ECE2: variants seen among roughly 807,000 people sequenced by gnomAD.
ECE2 encodes the protein endothelin converting enzyme 2, also known as endothelin-converting enzyme 2.
A neutral mutation model predicts 100.6 loss-of-function variants in ECE2; 81 were observed. The observed-to-expected ratio is 0.81, with a 90% CI of 0.67 to 0.97. The LOEUF is 0.97. ECE2 is among the 50% of genes least tolerant of loss of function. ECE2 has a pLI of 0.00. For missense variants in ECE2, 911 were observed against 988.1 expected (o/e 0.92, Z 1.05); for synonymous variants, 391 against 391.5 (o/e 1.00, Z 0.02).
chr3:184,292,330 TG>T lies in ECE2; in HGVS notation c.*93del. On this transcript the variant is annotated 3_prime_UTR_variant, in exon 19 of 19. Coordinates refer to ENST00000404464, the MANE Select transcript of ECE2 (RefSeq NM_001100121.2). ...TGCTCTTGGGTTGGGAGGAAGCAAATGCAAGCTGGGCTGGGTCTAGTCCCTC... is the reference window on the plus strand; with the variant it reads ...TGCTCTTGGGTTGGGAGGAAGCAAATCAAGCTGGGCTGGGTCTAGTCCCTC... The T allele has an allele frequency of 6.7e-7, 1 of 1,496,750 alleles. No individual in the cohort carries two copies. The highest frequency in any genetic ancestry group is 9.1e-7 in the Non-Finnish European group (1 of 1,094,482). The allele number at this position is 1,496,750 out of a possible 1,614,324, so 92.7% of individuals were successfully genotyped here.
chr3:184,291,048 T>A lies in ECE2; in HGVS notation c.1843T>A (p.Tyr615Asn), dbSNP rs1417938188. ...AGGTGAGTTCTCCTCAGGGCGCGAGTATGACAAAGAAGGGAACCTGCGGCC... is the reference window on the plus strand; with the variant it reads ...AGGTGAGTTCTCCTCAGGGCGCGAGAATGACAAAGAAGGGAACCTGCGGCC... ...THAFDDQGRE[Y>N]DKEGNLRPWW... The change falls in exon 17 of 19, where the codon TAT (tyrosine) becomes AAT (asparagine). Residue 615 changes from tyrosine (Y) to asparagine (N), a missense_variant. Physicochemically the swap from Tyr to Asn is moderately radical, Grantham distance 143. Coordinates refer to ENST00000404464, the MANE Select transcript of ECE2 (RefSeq NM_001100121.2). This position sits in a 1 kb window ranked among gnomAD's most constrained non-coding sequence, Gnocchi z 4.1. 6.4e-7 allele frequency: 1 copy of A among 1,567,578 alleles called. No homozygotes were observed. Among genetic ancestry groups the A allele is most frequent in the Non-Finnish European group, 8.7e-7 (1 of 1,155,410 alleles).
chr3:184,291,069 CG>C lies in ECE2; in HGVS notation c.1866del (p.Trp624GlyfsTer47), dbSNP rs1560188879. On this transcript the variant is annotated frameshift_variant, in exon 17 of 19. Transcript: ENST00000404464. LOFTEE classifies it high-confidence loss of function. The surrounding 1 kb of genome is among the most constrained non-coding windows in gnomAD (Gnocchi z 4.1). ...GREYDKEGNL[R>X]PWWQNESLAA... Reference sequence around the variant, plus strand: ...CGAGTATGACAAAGAAGGGAACCTGCGGCCCTGGTGGCAGAATGAGTCCCTG... The same window carrying C: ...CGAGTATGACAAAGAAGGGAACCTGCGCCCTGGTGGCAGAATGAGTCCCTG... 1 of 1,580,286 alleles carries C rather than the reference CG, an allele frequency of 6.3e-7. No individual in the cohort carries two copies. Among genetic ancestry groups the C allele is most frequent in the South Asian group, 1.2e-5 (1 of 86,746 alleles).
At chr3:184,280,785 C>A (rs843375) in intron 7 of ECE2, among the ~76,000 whole-genome samples, 12,327 of 151,752 alleles carry the variant, frequency 0.081, 600 homozygotes, top group East Asian at 0.2. Flanking sequence ...TTGAAACCAG[C>A]CTGACTAACA....
In ECE2 at chr3:184,276,891, G is replaced by A. The variant is rs775016893; in HGVS notation, c.127-1G>A. The A allele has an allele frequency of 6.2e-7, 1 of 1,614,044 alleles. No homozygotes were observed. Among genetic ancestry groups the A allele is most frequent in the Admixed American group, 1.7e-5 (1 of 60,024 alleles). ...ACTCTCTGTCCCCCTGTGTTCCCCA[G>A]GTGGGATTCCAGAAGGGGACAAGAC... is the stretch of plus-strand genomic sequence containing the variant. On this transcript the variant is annotated splice_acceptor_variant, in intron 2 of 18. Transcript: ENST00000404464. LOFTEE classifies it high-confidence loss of function.
intron 14 of ECE2, 67 bp downstream of exon 14, chr3:184,290,425 G>A: frequency 6.4e-7 from 1 of 1,572,254 alleles, no homozygotes. Flanking sequence ...TTCCTGGGAT[G>A]GGGGAAAAGG....
At position 184,291,493 on chromosome 3, in the gene ECE2, A is replaced by G; in HGVS notation, c.2121+54A>G. On this transcript the variant is annotated intron_variant, in intron 18 of 18. Coordinates refer to ENST00000404464, the MANE Select transcript of ECE2 (RefSeq NM_001100121.2). The surrounding 1 kb of genome is among the most constrained non-coding windows in gnomAD (Gnocchi z 4.1). ...TGCCCCTTTGTCCTGCTCCCTCCTG[A>G]GTATGTCATTAGGAGAACTCTGGGG... 3 of 1,467,246 alleles carry G rather than the reference A, an allele frequency of 2.0e-6. No homozygotes were observed. The highest frequency in any genetic ancestry group is 1.8e-6 in the Non-Finnish European group (2 of 1,093,864). The allele number at this position is 1,467,246 out of a possible 1,614,324, so 90.9% of individuals were successfully genotyped here.
intron 9 of ECE2, 106 bp from the exon 10 acceptor site, chr3:184,285,372 A>G: frequency 3.1e-6 from 3 of 981,218 alleles, no homozygotes; most frequent in South Asian, 2.9e-5. Flanking sequence ...CAGCTTCCAC[A>G]TATGCCTCTC....
rs137961272 is a variant in ECE2, at chr3:184,284,124, G to A, written c.1005+151G>A. On this transcript the variant is annotated intron_variant, in intron 8 of 18. Transcript: ENST00000404464. ...CCCCAGCTGCACTGCTGCTGTCCTG[G>A]GGAAAAAAATGGTGTCCATTTAGGC... is the stretch of plus-strand genomic sequence containing the variant. The A allele has an allele frequency of 2.8e-4, 282 of 1,013,718 alleles. 3 individuals are homozygous for A. In the East Asian group the frequency reaches 5.6e-3, roughly 20 times the overall value. The allele number at this position is 1,013,718 out of a possible 1,614,324, so 62.8% of individuals were successfully genotyped here. A position where few individuals can be genotyped will look rare whatever the true frequency, so the allele number is the denominator to read the frequency against.
rs141455654 is a variant in ECE2, at chr3:184,290,451, C to T, written c.1655+93C>T. Reference sequence around the variant, plus strand: ...GGGGAAAAGGGTGGCAAGACTGGTCCCAGACCGGCGGCCCCATACCCTTGC... The same window carrying T: ...GGGGAAAAGGGTGGCAAGACTGGTCTCAGACCGGCGGCCCCATACCCTTGC... On this transcript the variant is annotated intron_variant, in intron 14 of 18. Transcript: ENST00000404464. The T allele has an allele frequency of 8.1e-4, 1,265 of 1,558,994 alleles. 8 individuals are homozygous for T. In the African/African-American group the frequency reaches 0.015, roughly 19 times the overall value.
At chr3:184,276,659 C>A in intron 2 of ECE2, 92 bp downstream of exon 2, 2 of 1,567,750 alleles carry the variant, frequency 1.3e-6, no homozygotes, top group South Asian at 1.2e-5. Context: ...TGGAGGGTCA[C>A]CTGCCCCCAC....
At chr3:184,287,765 A>C (rs1438069502) in intron 10 of ECE2, 72 bp from the exon 11 acceptor site, 3 of 1,352,554 alleles carry the variant, frequency 2.2e-6, no homozygotes, top group Non-Finnish European at 3.2e-6. Flanking sequence ...TGCTAGCCCC[A>C]GTGACAGAGA....
intron 2 of ECE2, 149 bp downstream of exon 2, chr3:184,276,716 G>T: frequency 6.5e-7 from 1 of 1,538,376 alleles, no homozygotes. Context: ...GTGAGGCGAT[G>T]CTAAGCCGTG....
In ECE2 at chr3:184,290,872, T is replaced by C. The variant is rs1560188680; in HGVS notation, c.1834+12T>C. On this transcript the variant is annotated intron_variant, in intron 16 of 18. Transcript: ENST00000404464. Reference sequence around the variant, plus strand: ...CTTTGATGACCAAGGTAGGGGCCCATGGAGTCGTCCCCTCTAGCCTAGAAT... The same window carrying C: ...CTTTGATGACCAAGGTAGGGGCCCACGGAGTCGTCCCCTCTAGCCTAGAAT... 2 of 1,614,042 alleles carry C rather than the reference T, an allele frequency of 1.2e-6. No homozygotes were observed. The highest frequency in any genetic ancestry group is 2.7e-5 in the African/African-American group (2 of 74,922).
Position 184,292,497 on chromosome 3 carries a change from T to C in ECE2, c.*259T>C. 1 of 529,850 alleles carries C rather than the reference T, an allele frequency of 1.9e-6. No individual in the cohort carries two copies. Among genetic ancestry groups the C allele is most frequent in the African/African-American group, 1.9e-5 (1 of 52,850 alleles). 32.8% of individuals were successfully genotyped at this position (529,850 alleles called of 1,614,324 possible). A position where few individuals can be genotyped will look rare whatever the true frequency, so the allele number is the denominator to read the frequency against. On this transcript the variant is annotated 3_prime_UTR_variant, in exon 19 of 19. Coordinates refer to ENST00000404464, the MANE Select transcript of ECE2 (RefSeq NM_001100121.2). Reference sequence around the variant, plus strand: ...TCACCCTGCCTGGAAGAGGTCTGGGTGGGGAGGCCAGTTCCCATAGGAAGG... The same window carrying C: ...TCACCCTGCCTGGAAGAGGTCTGGGCGGGGAGGCCAGTTCCCATAGGAAGG...
intron 6 of ECE2, 41 bp from the exon 7 acceptor site, chr3:184,278,451 G>A: frequency 6.2e-7 from 1 of 1,607,154 alleles, no homozygotes; most frequent in Non-Finnish European, 8.5e-7. Context: ...TTCCCATGGT[G>A]GGGAAAGCGA....
rs969585056 is a variant in ECE2 at position 184,292,623 on chromosome 3, G to T, written c.*385G>T. 12 of 252,742 alleles carry T rather than the reference G, an allele frequency of 4.7e-5. No individual in the cohort carries two copies. The highest frequency in any genetic ancestry group is 2.6e-4 in the African/African-American group (12 of 45,712). 15.7% of individuals were successfully genotyped at this position (252,742 alleles called of 1,614,324 possible). On this transcript the variant is annotated 3_prime_UTR_variant, in exon 19 of 19. Transcript: ENST00000404464. ...ACAGGCCTGGGTGGTGTACCTCCTGGACTTCTCCCCAGGCTCACTCAGTGC... is the reference window on the plus strand; with the variant it reads ...ACAGGCCTGGGTGGTGTACCTCCTGTACTTCTCCCCAGGCTCACTCAGTGC...
At chr3:184,290,427 G>T in intron 14 of ECE2, 69 bp downstream of exon 14, 1 of 1,576,244 alleles carries the variant, frequency 6.3e-7, no homozygotes, top group South Asian at 1.1e-5. Context: ...CCTGGGATGG[G>T]GGAAAAGGGT....
intron 10 of ECE2, among the ~76,000 whole-genome samples, chr3:184,286,989 G>A (rs551781358): frequency 6.6e-6 from 1 of 151,664 alleles, no homozygotes; most frequent in African/African-American, 2.4e-5. Flanking sequence ...AGAAATCAAA[G>A]CAGGCAGGGC....
In ECE2 at chr3:184,292,218, C is replaced by A. The variant is rs920585345; in HGVS notation, c.2278C>A (p.Gln760Lys). Reference protein sequence around the residue: ...CPVGSPMNPGQLCEVW With the variant: ...CPVGSPMNPGKLCEVW ...TGTCGGCTCCCCCATGAACCCAGGG[C>A]AGCTGTGTGAGGTGTGGTAGACCTG... The change falls in exon 19 of 19, where the codon CAG becomes AAG. Residue 760 changes from glutamine to lysine, a missense_variant. Coordinates refer to ENST00000404464, the MANE Select transcript of ECE2 (RefSeq NM_001100121.2). 3.1e-6 allele frequency: 5 copies of A among 1,614,014 alleles called. No homozygotes were observed. The African/African-American group carries it at 6.7e-5, about 22-fold the overall frequency.
Sources: allele counts gnomAD v4.1 joint callset (sites outside exome capture counted in the v4.1 genomes callset), GRCh38; gene constraint gnomAD v4.1.1; non-coding constraint Gnocchi (gnomAD v3.1); transcripts MANE v1.5; gene names NCBI Gene and HGNC (gene_info 2026-07-23, HGNC 2026-07-21).